The following SARM1 variants were observed in gnomAD, a reference collection of about 807,000 sequenced individuals.
The protein encoded by SARM1 is sterile alpha and TIR motif containing 1, also known as NAD(+) hydrolase SARM1.
Under a neutral mutation model 65.1 loss-of-function variants are expected in SARM1, and 60 were observed. The observed-to-expected ratio is 0.92, with a 90% CI of 0.75 to 1.14. The LOEUF is 1.14. SARM1 is among the 50% of genes most tolerant of loss of function. The pLI, the probability that SARM1 is intolerant of heterozygous loss-of-function variation, is 0.00. For missense variants in SARM1, 913 were observed against 1,015.7 expected (o/e 0.90, Z 1.37); for synonymous variants, 417 against 465.4 (o/e 0.90, Z 1.34).
chr17:28,376,356 C>T (rs754321755), intron 1 of SARM1, among the ~76,000 whole-genome samples: 1 of 127,718 alleles, frequency 7.8e-6, no homozygotes, highest in African/African-American at 3.0e-5. Flanking sequence ...GTCAGGAGTT[C>T]AAGACCGCCT....
chr17:28,400,933 T>A lies in SARM1; in HGVS notation c.*4647T>A, dbSNP rs1255673730. ...GTACTGTGACAAGGATTCAGTAAGG[T>A]CATATGTGGACAGTAGCTGGCACAG... On this transcript the variant is annotated 3_prime_UTR_variant, in exon 9 of 9. Transcript: ENST00000585482. 2 of 684,656 alleles carry A rather than the reference T, an allele frequency of 2.9e-6. No individual in the cohort carries two copies. Among genetic ancestry groups the A allele is most frequent in the African/African-American group, 3.5e-5 (2 of 56,790 alleles). 42.4% of individuals were successfully genotyped at this position (684,656 alleles called of 1,614,324 possible).
rs2068204223 is a variant in SARM1, at chr17:28,402,219, G to A, written c.*5933G>A. On this transcript the variant is annotated 3_prime_UTR_variant, in exon 9 of 9. Coordinates refer to ENST00000585482, the MANE Select transcript of SARM1 (RefSeq NM_015077.4). ...CACTGGACATGAGGAACCAGACACA[G>A]GTGGGTTCTGACACTCACCCTGCTC... is the stretch of plus-strand genomic sequence containing the variant. 1.2e-6 allele frequency: 2 copies of A among 1,606,768 alleles called. No homozygotes were observed. The highest frequency in any genetic ancestry group is 1.7e-5 in the Admixed American group (1 of 59,450).
In SARM1 at chr17:28,375,454, C is replaced by T. The variant is rs994073562; in HGVS notation, c.470+2952C>T. Among the ~76,000 whole-genome samples the T allele has an allele frequency of 5.9e-5, 9 of 151,970 alleles. No individual in the cohort carries two copies. The East Asian group carries it at 1.4e-3, about 23-fold the overall frequency. ...TCTACTAAAAATACAAAAAATTAGC[C>T]GGGCTTGATGACGTGTGCCTGTAAT... On this transcript the variant is annotated intron_variant, in intron 1 of 8. Coordinates refer to ENST00000585482, the MANE Select transcript of SARM1 (RefSeq NM_015077.4).
At chr17:28,388,097 T>C in intron 5 of SARM1, 77 bp from the exon 6 acceptor site, 1 of 1,160,482 alleles carries the variant, frequency 8.6e-7, no homozygotes, top group Non-Finnish European at 1.3e-6. Context: ...GGGGACTAAG[T>C]CCACAAGGGA....
chr17:28,374,970 C>CAAAAAAAAAAAAAAAAAAAAAAAA (rs35032822), intron 1 of SARM1, among the ~76,000 whole-genome samples: 3 of 70,432 alleles, frequency 4.3e-5, no homozygotes, highest in Non-Finnish European at 8.2e-5. Context: ...CAGACCTTGT[C>CAAAAAAAAAAAAAAAAAAAAAAAA]AAAAAAAAAA....
At chr17:28,375,484 G>T (rs781849710) in intron 1 of SARM1, among the ~76,000 whole-genome samples, 40 of 151,894 alleles carry the variant, frequency 2.6e-4, no homozygotes, top group Non-Finnish European at 5.3e-4. Context: ...TGTAATCCCA[G>T]CTACTCTGGA....
chr17:28,401,017 C>G lies in SARM1; in HGVS notation c.*4731C>G, dbSNP rs2068191359. 3.2e-5 allele frequency: 15 copies of G among 472,442 alleles called. No individual in the cohort carries two copies. The South Asian group carries it at 3.4e-4, about 11-fold the overall frequency. The allele number at this position is 472,442 out of a possible 1,614,324, so 29.3% of individuals were successfully genotyped here. ...CACATTAAAAGTACATGTGATCTGA[C>G]AGAACCCAGCACATAAAAGAAAAAA... On this transcript the variant is annotated 3_prime_UTR_variant, in exon 9 of 9. Transcript: ENST00000585482.
chr17:28,388,601 G>A (rs553600897), intron 7 of SARM1, 62 bp downstream of exon 7: 78 of 1,518,298 alleles, frequency 5.1e-5, no homozygotes, highest in South Asian at 4.7e-4. Flanking sequence ...AGATAGGGTC[G>A]TCTTCTATTC....
chr17:28,395,939 T>C lies in SARM1; in HGVS notation c.1958T>C (p.Ile653Thr), dbSNP rs782525385. The C allele has an allele frequency of 8.1e-6, 13 of 1,613,854 alleles. No homozygotes were observed. The highest frequency in any genetic ancestry group is 7.7e-5 in the South Asian group (7 of 91,088). Residue 653 changes from isoleucine to threonine, a missense_variant, in exon 8 of 9, where the codon ATT (isoleucine) becomes ACT (threonine). Coordinates refer to ENST00000585482, the MANE Select transcript of SARM1 (RefSeq NM_015077.4). ...IVTALSCGKN[I>T]VPIIDGFEWP... ...ACTGCTTTAAGCTGCGGCAAGAACA[T>C]TGTGCCCATCATTGATGGCTTCGAG... is the stretch of plus-strand genomic sequence containing the variant.
chr17:28,401,198 G>T lies in SARM1; in HGVS notation c.*4912G>T. ...CCACTGAATAGCTTCTTATCCTTTG[G>T]GTTCCTGTTCCTCCTTCTGCTAAAT... On this transcript the variant is annotated 3_prime_UTR_variant, in exon 9 of 9. Transcript: ENST00000585482. The T allele has an allele frequency of 4.9e-6, 1 of 204,188 alleles. No homozygotes were observed. The highest frequency in any genetic ancestry group is 1.0e-5 in the Non-Finnish European group (1 of 98,396). 12.6% of individuals were successfully genotyped at this position (204,188 alleles called of 1,614,324 possible). A position where few individuals can be genotyped will look rare whatever the true frequency, so the allele number is the denominator to read the frequency against.
At position 28,397,289 on chromosome 17, in the gene SARM1, G is replaced by C. The variant is rs1357628243; in HGVS notation, c.*1003G>C. On this transcript the variant is annotated 3_prime_UTR_variant, in exon 9 of 9. Coordinates refer to ENST00000585482, the MANE Select transcript of SARM1 (RefSeq NM_015077.4). ...ACATGCATCCAAGTCACCTGGGAAT[G>C]TTGTTAAAATCAGGAGATCTGGGGT... The C allele has an allele frequency of 6.6e-6, 1 of 152,392 alleles. No individual in the cohort carries two copies. The highest frequency in any genetic ancestry group is 1.5e-5 in the Non-Finnish European group (1 of 68,062). The allele number at this position is 152,392 out of a possible 1,614,324, so 9.4% of individuals were successfully genotyped here. A position where few individuals can be genotyped will look rare whatever the true frequency, so the allele number is the denominator to read the frequency against.
intron 1 of SARM1, among the ~76,000 whole-genome samples, chr17:28,380,613 A>G (rs1192683071): frequency 6.6e-6 from 1 of 152,242 alleles, no homozygotes; most frequent in African/African-American, 2.4e-5. Context: ...CATCTGTTGA[A>G]TGAATGAATA....
intron 1 of SARM1, chr17:28,373,229 A>T (rs2067968615): frequency 6.6e-6 from 1 of 152,246 alleles, no homozygotes; most frequent in East Asian, 1.9e-4. Context: ...ATGCCGCAAG[A>T]GGGTCAAACA....
chr17:28,387,866 G>A, intron 5 of SARM1: 1 of 389,124 alleles, frequency 2.6e-6, no homozygotes. Context: ...GAGATTTGGG[G>A]TGTGTTGAAT....
rs1555589822 is a variant in SARM1 at position 28,402,377 on chromosome 17, G to A, written c.*6091G>A. 4.7e-6 allele frequency: 7 copies of A among 1,477,912 alleles called. No individual in the cohort carries two copies. The highest frequency in any genetic ancestry group is 6.5e-6 in the Non-Finnish European group (7 of 1,068,868). The allele number at this position is 1,477,912 out of a possible 1,614,324, so 91.5% of individuals were successfully genotyped here. ...TGGGGCTGGGGAGAGGGGCGTCCAA[G>A]GGAAAGGCAGCAGAGCTCCTATCCA... is the stretch of plus-strand genomic sequence containing the variant. On this transcript the variant is annotated 3_prime_UTR_variant, in exon 9 of 9. Transcript: ENST00000585482.
Position 28,398,269 on chromosome 17 carries a change from AC to A in SARM1, c.*1986del, listed in dbSNP as rs2068155159. ...CCTGCGTTTTATTTCTATTTGGTAT[AC>A]CCTCCACTGTTGTCCACTGCCCTGT... is the stretch of plus-strand genomic sequence containing the variant. On this transcript the variant is annotated 3_prime_UTR_variant, in exon 9 of 9. Coordinates refer to ENST00000585482, the MANE Select transcript of SARM1 (RefSeq NM_015077.4). 1.3e-5 allele frequency: 2 copies of A among 152,050 alleles called. No individual in the cohort carries two copies. Among genetic ancestry groups the A allele is most frequent in the South Asian group, 4.2e-4 (2 of 4,812 alleles). 9.4% of individuals were successfully genotyped at this position (152,050 alleles called of 1,614,324 possible).
intron 1 of SARM1, chr17:28,374,170 G>A (rs1174417523): frequency 1.3e-5 from 2 of 151,806 alleles, no homozygotes; most frequent in Non-Finnish European, 2.9e-5. Context: ...CCAGCTACTG[G>A]GGAGACTGAG....
At position 28,396,883 on chromosome 17, in the gene SARM1, G is replaced by A. The variant is rs569425471; in HGVS notation, c.*597G>A. 1 of 152,626 alleles carries A rather than the reference G, an allele frequency of 6.6e-6. No individual in the cohort carries two copies. The highest frequency in any genetic ancestry group is 2.1e-4 in the South Asian group (1 of 4,836). 9.5% of individuals were successfully genotyped at this position (152,626 alleles called of 1,614,324 possible). On this transcript the variant is annotated 3_prime_UTR_variant, in exon 9 of 9. Coordinates refer to ENST00000585482, the MANE Select transcript of SARM1 (RefSeq NM_015077.4). ...CCCAGATCCCCTACAGCTTCCTTCG[G>A]TGTGGTATCTTTTGCCACATCCAGG...
rs577653016 is a variant in SARM1, at chr17:28,372,104, C to A, written c.72C>A (p.Gly24=). ...RFFAMSGPRP[G]AERLAVPGPD... Reference sequence around the variant, plus strand: ...TCGCCATGTCGGGCCCACGGCCGGGCGCCGAGCGGCTGGCGGTGCCTGGGC... The same window carrying A: ...TCGCCATGTCGGGCCCACGGCCGGGAGCCGAGCGGCTGGCGGTGCCTGGGC... Residue 24 remains glycine (G), a synonymous_variant, in exon 1 of 9, where the codon GGC becomes GGA. Coordinates refer to ENST00000585482, the MANE Select transcript of SARM1 (RefSeq NM_015077.4). This position sits in a 1 kb window ranked among gnomAD's most constrained non-coding sequence, Gnocchi z 5.2. 3.4e-6 allele frequency: 5 copies of A among 1,479,808 alleles called. No homozygotes were observed. In the African/African-American group the frequency reaches 4.4e-5, roughly 13 times the overall value. The allele number at this position is 1,479,808 out of a possible 1,614,324, so 91.7% of individuals were successfully genotyped here.
Sources: allele counts gnomAD v4.1 joint callset (sites outside exome capture counted in the v4.1 genomes callset), GRCh38; gene constraint gnomAD v4.1.1; non-coding constraint Gnocchi (gnomAD v3.1); transcripts MANE v1.5; gene names NCBI Gene and HGNC (gene_info 2026-07-23, HGNC 2026-07-21).